Variants in SLCO5A1 observed in about 807,000 individuals in gnomAD.
SLCO5A1 encodes solute carrier organic anion transporter family member 5A1.
Under a neutral mutation model 65.1 loss-of-function variants are expected in SLCO5A1, and 39 were observed. The ratio of observed to expected loss-of-function variants is 0.60; its 90% CI spans 0.46 to 0.78. SLCO5A1 has a LOEUF of 0.78. SLCO5A1 is among the 30% of genes least tolerant of loss of function. The pLI is 0.00. For synonymous variants in SLCO5A1, 438 were observed against 415.7 expected (o/e 1.05, Z -0.65); for missense variants, 1,029 against 1,069.4 (o/e 0.96, Z 0.53).
intron 2 of SLCO5A1, among the ~76,000 whole-genome samples, chr8:69,792,789 C>T (rs1290675671): frequency 2.6e-5 from 4 of 151,884 alleles, no homozygotes; most frequent in Non-Finnish European, 5.9e-5. Flanking sequence ...AGATGCAAGA[C>T]GTTTCAAAGT....
rs1241039055 is a variant in SLCO5A1, at chr8:69,832,668, G to T, written c.6C>A (p.Asp2Glu). The T allele has an allele frequency of 1.9e-6, 3 of 1,592,660 alleles. No individual in the cohort carries two copies. The highest frequency in any genetic ancestry group is 2.7e-5 in the African/African-American group (2 of 74,254). Residue 2 changes from aspartate to glutamate, a missense_variant, in exon 2 of 10, where the codon GAC becomes GAA. This residue lies in a region of SLCO5A1 where 647 missense variants were observed against 647.5 expected (regional missense o/e 1.00). Coordinates refer to ENST00000260126, the MANE Select transcript of SLCO5A1 (RefSeq NM_030958.3). The surrounding 1 kb of genome is among the most constrained non-coding windows in gnomAD (Gnocchi z 4.5). The part of the protein sequence containing the change: M[D>E]EGTGLQPGAG... Reference sequence around the variant, plus strand: ...CCCCGGGCTGCAGTCCAGTGCCTTCGTCCATGGCGCTTAGAATTCAGATTT... The same window carrying T: ...CCCCGGGCTGCAGTCCAGTGCCTTCTTCCATGGCGCTTAGAATTCAGATTT...
rs1813214992 is a variant in SLCO5A1, at chr8:69,667,408, A to G, written c.*5461T>C. ...CCTGACTTGCCTGTTTCAGGATTCT[A>G]AATTAACATTTGGGGTTTGGGGTAG... is the stretch of plus-strand genomic sequence containing the variant. On this transcript the variant is annotated 3_prime_UTR_variant, in exon 10 of 10. Transcript: ENST00000260126. 1 of 152,180 alleles carries G rather than the reference A, an allele frequency of 6.6e-6. No homozygotes were observed. Among genetic ancestry groups the G allele is most frequent in the Non-Finnish European group, 1.5e-5 (1 of 68,034 alleles). 9.4% of individuals were successfully genotyped at this position (152,180 alleles called of 1,614,324 possible).
chr8:69,784,820 A>C, intron 2 of SLCO5A1, among the ~76,000 whole-genome samples: 1 of 100,230 alleles, frequency 1.0e-5, no homozygotes, highest in South Asian at 3.4e-4. Flanking sequence ...AAAAAGAAAG[A>C]AAGAAAGAAA....
At chr8:69,806,043 C>T (rs1250443080) in intron 2 of SLCO5A1, among the ~76,000 whole-genome samples, 2 of 152,188 alleles carry the variant, frequency 1.3e-5, no homozygotes, top group African/African-American at 4.8e-5. Context: ...TAGAGCCTGA[C>T]CACAGTACTA....
In SLCO5A1 at chr8:69,755,505, C is replaced by A. The variant is rs749034973; in HGVS notation, c.1177G>T (p.Asp393Tyr). The A allele has an allele frequency of 1.2e-6, 2 of 1,614,090 alleles. No individual in the cohort carries two copies. Among genetic ancestry groups the A allele is most frequent in the South Asian group, 2.2e-5 (2 of 91,078 alleles). The change falls in exon 4 of 10, where the codon GAT (aspartate) becomes TAT (tyrosine). Residue 393 changes from aspartate to tyrosine, a missense_variant. Transcript: ENST00000260126. The part of the protein sequence containing the change: ...KFSVDAVSDD[D>Y]VLKEKSNNSE... ...TTGTTTGATTTCTCCTTCAGAACAT[C>A]GTCATCACTAACAGCATCAACAGAA...
intron 2 of SLCO5A1, among the ~76,000 whole-genome samples, chr8:69,762,321 C>T (rs888357741): frequency 1.3e-5 from 2 of 151,680 alleles, no homozygotes; most frequent in Non-Finnish European, 2.9e-5. Flanking sequence ...TGAGTAGCTG[C>T]GACTACAGGC....
intron 6 of SLCO5A1, among the ~76,000 whole-genome samples, chr8:69,693,695 A>C (rs1814371386): frequency 6.6e-6 from 1 of 152,220 alleles, no homozygotes; most frequent in African/African-American, 2.4e-5. Context: ...ACCATTAAAT[A>C]GTTATTTATC....
At chr8:69,809,990 C>A (rs931767148) in intron 2 of SLCO5A1, among the ~76,000 whole-genome samples, 1 of 152,142 alleles carries the variant, frequency 6.6e-6, no homozygotes, top group African/African-American at 2.4e-5. Context: ...ATGCCTAACC[C>A]AGTGAGTTCT....
chr8:69,811,460 G>A (rs1164687922), intron 2 of SLCO5A1, among the ~76,000 whole-genome samples: 1 of 152,160 alleles, frequency 6.6e-6, no homozygotes, highest in Non-Finnish European at 1.5e-5. Context: ...TCCATTCATC[G>A]CTATGGGGAA....
intron 2 of SLCO5A1, among the ~76,000 whole-genome samples, chr8:69,789,055 A>C (rs1158908255): frequency 6.6e-6 from 1 of 152,150 alleles, no homozygotes; most frequent in Non-Finnish European, 1.5e-5. Flanking sequence ...TTATTTCCAC[A>C]CATATAGTCA....
intron 2 of SLCO5A1, among the ~76,000 whole-genome samples, chr8:69,776,552 T>C (rs1818564656): frequency 6.6e-6 from 1 of 152,062 alleles, no homozygotes; most frequent in South Asian, 2.1e-4. Context: ...TAGCTGAGCA[T>C]GATGACATGC....
rs752130472 is a variant in SLCO5A1, at chr8:69,832,013, G to A, written c.661C>T (p.Pro221Ser). 9 of 1,601,992 alleles carry A rather than the reference G, an allele frequency of 5.6e-6. No homozygotes were observed. The highest frequency in any genetic ancestry group is 6.8e-6 in the Non-Finnish European group (8 of 1,174,384). The change falls in exon 2 of 10, where the codon CCC becomes TCC. Residue 221 changes from proline (P) to serine (S), a missense_variant. Coordinates refer to ENST00000260126, the MANE Select transcript of SLCO5A1 (RefSeq NM_030958.3). The surrounding 1 kb of genome is among the most constrained non-coding windows in gnomAD (Gnocchi z 4.5). The stretch of plus-strand genomic sequence containing the variant: ...GCGTTCAACTCTTGGATCTGGTAGG[G>A]GGGCGAGATGAAGTGAGGTAAGGCG... ...LFALPHFISPPYQIQELNASA... is the reference protein window; with the variant it reads ...LFALPHFISPSYQIQELNASA...
At chr8:69,753,573 CT>C (rs1232600405) in intron 4 of SLCO5A1, among the ~76,000 whole-genome samples, 1 of 152,182 alleles carries the variant, frequency 6.6e-6, no homozygotes, top group Admixed American at 6.5e-5. Flanking sequence ...TGATATCAAT[CT>C]TCTCCCCGCT....
At chr8:69,716,108 G>C (rs762779925) in intron 5 of SLCO5A1, among the ~76,000 whole-genome samples, 47 of 152,106 alleles carry the variant, frequency 3.1e-4, no homozygotes, top group Non-Finnish European at 1.3e-4. Flanking sequence ...CTGTCACTTA[G>C]TATGTTTTCA....
At chr8:69,808,876 A>G (rs1586823176) in intron 2 of SLCO5A1, among the ~76,000 whole-genome samples, 1 of 152,152 alleles carries the variant, frequency 6.6e-6, no homozygotes, top group Non-Finnish European at 1.5e-5. Flanking sequence ...AGGCCGAGGC[A>G]GGTGGATCAC....
At chr8:69,737,976 T>C (rs2130843243) in intron 5 of SLCO5A1, 64 bp downstream of exon 5, 4 of 1,547,810 alleles carry the variant, frequency 2.6e-6, no homozygotes, top group South Asian at 1.2e-5. Flanking sequence ...ACTTTCTCTT[T>C]ACCCATTCCA....
chr8:69,777,422 A>C (rs1563718332), intron 2 of SLCO5A1, among the ~76,000 whole-genome samples: 1 of 148,028 alleles, frequency 6.8e-6, no homozygotes. Context: ...GAGGGATTCA[A>C]AAGAGGCCCA....
At chr8:69,737,948 A>G in intron 5 of SLCO5A1, 92 bp downstream of exon 5, 1 of 1,388,696 alleles carries the variant, frequency 7.2e-7, no homozygotes, top group Non-Finnish European at 9.8e-7. Context: ...CTAGCTTAAC[A>G]CTTCGATGTT....
At chr8:69,776,810 T>C (rs1328246883) in intron 2 of SLCO5A1, among the ~76,000 whole-genome samples, 2 of 152,232 alleles carry the variant, frequency 1.3e-5, no homozygotes, top group African/African-American at 4.8e-5. Flanking sequence ...ATGAAAGATA[T>C]TCGGCATCAT....
Sources: allele counts gnomAD v4.1 joint callset (sites outside exome capture counted in the v4.1 genomes callset), GRCh38; gene constraint gnomAD v4.1.1; regional missense constraint gnomAD v4.1.1; non-coding constraint Gnocchi (gnomAD v3.1); transcripts MANE v1.5; gene names NCBI Gene and HGNC (gene_info 2026-07-23, HGNC 2026-07-21).